The following ANKS1A variants were observed in gnomAD, a reference collection of about 807,000 sequenced individuals.
ANKS1A encodes the protein ankyrin repeat and SAM domain-containing protein 1A.
In ANKS1A, 55 loss-of-function variants were observed where a neutral mutation model predicts 120.3. The ratio of observed to expected loss-of-function variants is 0.46; its 90% CI spans 0.37 to 0.57. ANKS1A has a LOEUF of 0.57. ANKS1A is among the 20% of genes least tolerant of loss of function. The pLI, the probability that ANKS1A is intolerant of heterozygous loss-of-function variation, is 0.00. For missense variants in ANKS1A, 1,123 were observed against 1,480.3 expected, an observed-to-expected ratio of 0.76 and a Z score of 3.96; for synonymous variants, 590 against 604.7, an observed-to-expected ratio of 0.98 and a Z score of 0.36.
Position 35,090,479 on chromosome 6 carries a change from A to C in ANKS1A, c.*1870A>C. On this transcript the variant is annotated 3_prime_UTR_variant, in exon 24 of 24. Transcript: ENST00000360359. ...GCTGTCTTTTGTGCTTAGATCATCC[A>C]TAGGTGTTTCTTCTGCTTGAAGCTG... 1 of 1,121,514 alleles carries C rather than the reference A, an allele frequency of 8.9e-7. No individual in the cohort carries two copies. The highest frequency in any genetic ancestry group is 1.1e-6 in the Non-Finnish European group (1 of 906,488). The allele number at this position is 1,121,514 out of a possible 1,614,324, so 69.5% of individuals were successfully genotyped here. A position where few individuals can be genotyped will look rare whatever the true frequency, so the allele number is the denominator to read the frequency against.
intron 8 of ANKS1A, 132 bp from the exon 9 acceptor site, chr6:34,989,092 C>T (rs1772374447): frequency 7.3e-6 from 5 of 684,554 alleles, no homozygotes; most frequent in Non-Finnish European, 9.6e-6. Flanking sequence ...AGAGACGAAA[C>T]CTTGACTTTA....
intron 13 of ANKS1A, among the ~76,000 whole-genome samples, chr6:35,062,662 C>T (rs1425173442): frequency 6.6e-6 from 1 of 152,140 alleles, no homozygotes; most frequent in Non-Finnish European, 1.5e-5. Context: ...TGCGAGTTGT[C>T]ATAGGAGAAG....
intron 20 of ANKS1A, among the ~76,000 whole-genome samples, chr6:35,083,919 G>C (rs1467438404): frequency 6.6e-6 from 1 of 152,170 alleles, no homozygotes; most frequent in Non-Finnish European, 1.5e-5. Context: ...TACTGCCTTA[G>C]TTGTTGTGGT....
intron 1 of ANKS1A, among the ~76,000 whole-genome samples, chr6:34,920,200 GT>G (rs199685702): frequency 1.3e-5 from 2 of 151,706 alleles, no homozygotes; most frequent in Admixed American, 1.3e-4. Flanking sequence ...CATTAGAGTA[GT>G]TTTTTTTGTT....
intron 1 of ANKS1A, among the ~76,000 whole-genome samples, chr6:34,902,792 GA>G: frequency 7.1e-6 from 1 of 141,144 alleles, no homozygotes; most frequent in Non-Finnish European, 1.5e-5. Flanking sequence ...GACAAAGCAA[GA>G]CTCCGTCTCA....
chr6:35,010,534 A>C (rs1773708023), intron 10 of ANKS1A, among the ~76,000 whole-genome samples: 2 of 152,178 alleles, frequency 1.3e-5, no homozygotes, highest in Non-Finnish European at 2.9e-5. Context: ...ATGTGTTTAC[A>C]CCTTGCTACA....
intron 1 of ANKS1A, among the ~76,000 whole-genome samples, chr6:34,896,197 G>A (rs1046850579): frequency 6.6e-6 from 1 of 151,758 alleles, no homozygotes; most frequent in Non-Finnish European, 1.5e-5. Context: ...AGCCTCCTGA[G>A]TAGCTGTGAT....
chr6:34,916,493 TG>T (rs1163962724), intron 1 of ANKS1A, among the ~76,000 whole-genome samples: 3 of 152,168 alleles, frequency 2.0e-5, no homozygotes, highest in Non-Finnish European at 4.4e-5. Flanking sequence ...TTAGACAAAA[TG>T]CTCTCTATAA....
chr6:35,025,911 G>C (rs1285687114), intron 11 of ANKS1A, among the ~76,000 whole-genome samples: 2 of 152,102 alleles, frequency 1.3e-5, no homozygotes, highest in Non-Finnish European at 2.9e-5. Flanking sequence ...TAAACAGCCT[G>C]GTTCCCTTTA....
At position 34,889,497 on chromosome 6, in the gene ANKS1A, T is replaced by C; in HGVS notation, c.95T>C (p.Phe32Ser). The C allele has an allele frequency of 7.8e-7, 1 of 1,276,948 alleles. No homozygotes were observed. Among genetic ancestry groups the C allele is most frequent in the Non-Finnish European group, 9.8e-7 (1 of 1,020,522 alleles). The allele number at this position is 1,276,948 out of a possible 1,614,324, so 79.1% of individuals were successfully genotyped here. Residue 32 changes from phenylalanine to serine, a missense_variant, in exon 1 of 24, where the codon TTT becomes TCT. Around this residue, in one of 3 missense-constraint regions of ANKS1A, gnomAD observed 73 missense variants for 82.2 expected, o/e 0.89. Transcript: ENST00000360359. This position sits in a 1 kb window ranked among gnomAD's most constrained non-coding sequence, Gnocchi z 5.5. ...TCCGGGAAGCGGCTCTCCTCAGGCT[T>C]TGGGGGCGGCGGCGGCGGTGGCTCT... is the stretch of plus-strand genomic sequence containing the variant. ...LLSGKRLSSGFGGGGGGGSGG... is the reference protein window; with the variant it reads ...LLSGKRLSSGSGGGGGGGSGG...
intron 13 of ANKS1A, among the ~76,000 whole-genome samples, chr6:35,069,390 T>G (rs557571010): frequency 2.0e-5 from 3 of 151,796 alleles, no homozygotes; most frequent in Non-Finnish European, 2.9e-5. Context: ...AGCCACAGTC[T>G]GCTTGGTGAC....
At chr6:34,930,967 C>G (rs847856) in intron 1 of ANKS1A, among the ~76,000 whole-genome samples, 14,798 of 151,360 alleles carry the variant, frequency 0.098, 1,595 homozygotes, top group African/African-American at 0.27. Context: ...ACCTCTGCCC[C>G]CTGGGTTCAA....
At chr6:35,068,810 G>A (rs1328286135) in intron 13 of ANKS1A, among the ~76,000 whole-genome samples, 1 of 152,176 alleles carries the variant, frequency 6.6e-6, no homozygotes. Context: ...GCAGTCAGGG[G>A]AACTGGCAAA....
chr6:35,092,659 A>G (rs1268468287), downstream of ANKS1A, among the ~76,000 whole-genome samples: 2 of 152,374 alleles, frequency 1.3e-5, no homozygotes, highest in East Asian at 3.9e-4. Context: ...AGGTCAGGTC[A>G]TAACTAGTGT....
chr6:34,991,202 C>T lies in ANKS1A; in HGVS notation c.1302+1886C>T, dbSNP rs185516124. 1.1e-4 allele frequency among the ~76,000 whole-genome samples: 16 copies of T among 152,234 alleles called. No individual in the cohort carries two copies. The East Asian group carries it at 3.1e-3, about 29-fold the overall frequency. On this transcript the variant is annotated intron_variant, in intron 9 of 23. Transcript: ENST00000360359. Reference sequence around the variant, plus strand: ...ACTCATAGAAGCCTTTAGGAGAAGCCAGAGTATACCTAGCTCTAGGAGTGC... The same window carrying T: ...ACTCATAGAAGCCTTTAGGAGAAGCTAGAGTATACCTAGCTCTAGGAGTGC...
chr6:34,923,789 A>T (rs1472195145), intron 1 of ANKS1A, among the ~76,000 whole-genome samples: 1 of 152,180 alleles, frequency 6.6e-6, no homozygotes, highest in African/African-American at 2.4e-5. Flanking sequence ...AGAGAGGAAG[A>T]TGGACCAACT....
At chr6:34,991,693 CATATAT>C (rs1306257301) in intron 9 of ANKS1A, among the ~76,000 whole-genome samples, 4 of 29,264 alleles carry the variant, frequency 1.4e-4, no homozygotes, top group Non-Finnish European at 8.4e-4. Context: ...CATATATACA[CATATAT>C]ATACATATAT....
Position 35,002,309 on chromosome 6 carries a change from G to C in ANKS1A, c.1423+7887G>C, listed in dbSNP as rs1298915721. Among the ~76,000 whole-genome samples the C allele has an allele frequency of 3.3e-5, 5 of 152,038 alleles. No homozygotes were observed. In the South Asian group the frequency reaches 1.0e-3, roughly 32 times the overall value. On this transcript the variant is annotated intron_variant, in intron 10 of 23. Coordinates refer to ENST00000360359, the MANE Select transcript of ANKS1A (RefSeq NM_015245.3). Reference sequence around the variant, plus strand: ...GATGGGAGCAGCTTCACCAACCCCTGCAAAGTGACTCTGAAGAAGACGACA... The same window carrying C: ...GATGGGAGCAGCTTCACCAACCCCTCCAAAGTGACTCTGAAGAAGACGACA...
chr6:34,962,692 G>C (rs1466631886), intron 1 of ANKS1A, among the ~76,000 whole-genome samples: 1 of 151,828 alleles, frequency 6.6e-6, no homozygotes, highest in Non-Finnish European at 1.5e-5. Context: ...AGGAGGCTGA[G>C]GCAGGAGAAT....
Sources: gnomAD v4.1 joint callset for allele counts (sites outside exome capture counted in the v4.1 genomes callset) on GRCh38, gnomAD v4.1.1 for gene constraint, gnomAD v4.1.1 regional missense constraint, Gnocchi (gnomAD v3.1) non-coding constraint, MANE v1.5 for transcripts, NCBI Gene and HGNC (gene_info 2026-07-23, HGNC 2026-07-21) for gene names.